The following LRRC37B variants were observed in gnomAD, a reference collection of about 807,000 sequenced individuals.
LRRC37B encodes the protein leucine-rich repeat-containing protein 37B.
In LRRC37B, 28 loss-of-function variants were observed where a neutral mutation model predicts 98.3. That is an observed-to-expected ratio of 0.28 (90% confidence interval 0.21 to 0.39). The LOEUF is 0.39. Ranked by LOEUF, LRRC37B falls within the 10% of genes least tolerant of loss-of-function variation. The pLI is 1.00. For synonymous variants in LRRC37B, 364 were observed against 442.7 expected, an observed-to-expected ratio of 0.82 and a Z score of 2.23; for missense variants, 938 against 1,182.7, an observed-to-expected ratio of 0.79 and a Z score of 3.03.
At chr17:32,030,517 G>T in intron 3 of LRRC37B, 139 bp from the exon 7 acceptor site, 1 of 613,772 alleles carries the variant, frequency 1.6e-6, no homozygotes. Context: ...AGGAGCTCTG[G>T]AAAGTTCAAA....
upstream of LRRC37B, chr17:32,017,105 G>T (rs1450588260): frequency 2.0e-5 from 3 of 152,206 alleles, no homozygotes; most frequent in Non-Finnish European, 4.4e-5. Flanking sequence ...GGTATCCCTT[G>T]CACACACTGA....
At chr17:32,014,441 C>A (rs545467273) in intron 1 of LRRC37B, among the ~76,000 whole-genome samples, 6 of 152,286 alleles carry the variant, frequency 3.9e-5, no homozygotes, top group African/African-American at 1.4e-4. Context: ...AAAAAAAAGA[C>A]ATTTCAGATG....
chr17:32,040,813 C>G (rs1470126622), intron 7 of LRRC37B: 1 of 826,792 alleles, frequency 1.2e-6, no homozygotes, highest in Admixed American at 1.8e-5. Context: ...GTGAAGGACT[C>G]CCTGGACATA....
chr17:32,022,194 G>A, exon 1 of LRRC37B: 2 of 1,613,856 alleles, frequency 1.2e-6, no homozygotes, highest in Non-Finnish European at 1.7e-6. Context: ...AGATGTGGAG[G>A]TTACCATGAC....
rs566639584 is a variant in LRRC37B at position 32,008,952 on chromosome 17, G to A, written c.-191+820G>A. 2.4e-4 allele frequency among the ~76,000 whole-genome samples: 37 copies of A among 152,314 alleles called. No homozygotes were observed. The South Asian group carries it at 6.0e-3, about 25-fold the overall frequency. On this transcript the variant is annotated intron_variant, in intron 1 of 14. Transcript: ENST00000543378. ...ATGAACGCAGACTTGTTTCTCTTGAGTAAATACCTAGGAGTATGATTTCCG... is the reference window on the plus strand; with the variant it reads ...ATGAACGCAGACTTGTTTCTCTTGAATAAATACCTAGGAGTATGATTTCCG...
chr17:32,045,553 T>C (rs983237573), intron 7 of LRRC37B, 147 bp from the exon 11 acceptor site: 130 of 811,212 alleles, frequency 1.6e-4, no homozygotes, highest in Non-Finnish European at 2.5e-4. Context: ...CTCCTTCCCA[T>C]TGGCCTTCTG....
intron 7 of LRRC37B, chr17:32,040,826 G>A: frequency 1.2e-6 from 1 of 818,594 alleles, no homozygotes; most frequent in South Asian, 1.4e-5. Flanking sequence ...TGGACATAGA[G>A]GTCAAGCAGA....
intron 11 of LRRC37B, 155 bp from the exon 15 acceptor site, chr17:32,053,111 G>T: frequency 1.5e-6 from 1 of 646,840 alleles, no homozygotes. Flanking sequence ...AACTGTGGAA[G>T]AATCAAAGCA....
intron 1 of LRRC37B, among the ~76,000 whole-genome samples, chr17:32,014,729 C>G (rs8068134): frequency 0.02 from 2,970 of 151,634 alleles, 93 homozygotes; most frequent in African/African-American, 0.067. Context: ...TAGATAGATA[C>G]ATATATCTAT....
chr17:32,018,989 C>T (rs7208265), upstream of LRRC37B, among the ~76,000 whole-genome samples: 870 of 152,190 alleles, frequency 5.7e-3, 8 homozygotes, highest in African/African-American at 0.02. Flanking sequence ...TGCGATGGCA[C>T]GATCTCAGCT....
chr17:32,010,999 CT>C (rs879813174), intron 1 of LRRC37B, among the ~76,000 whole-genome samples: 204 of 143,158 alleles, frequency 1.4e-3, no homozygotes, highest in Admixed American at 1.3e-3. Context: ...AAGGATTTCA[CT>C]TTTTTTTTTT....
At chr17:32,029,853 C>T (rs558862761) in intron 3 of LRRC37B, among the ~76,000 whole-genome samples, 1 of 152,234 alleles carries the variant, frequency 6.6e-6, no homozygotes, top group Non-Finnish European at 1.5e-5. Flanking sequence ...TTCTGGACTC[C>T]GCCCTCATAG....
At chr17:32,037,943 TAAATACACACACACACACAC>T (rs1374153952) in intron 7 of LRRC37B, among the ~76,000 whole-genome samples, 3 of 151,868 alleles carry the variant, frequency 2.0e-5, no homozygotes, top group Admixed American at 1.3e-4. Context: ...CAGTCTCTAC[TAAATACACACACACACACAC>T]AAACACACAC....
In LRRC37B at chr17:32,021,556, T is replaced by A. The variant is rs138697011; in HGVS notation, c.491T>A (p.Leu164His). ...GAAAGGCTCCCAGAGGTGGTTCCGC[T>A]TCTCAACCGGGATCAGAACCAGGCC... Residue 164 changes from leucine to histidine, a missense_variant, in exon 1 of 12, where the codon CTT becomes CAT. Physicochemically the swap from Leu to His is moderately conservative, Grantham distance 99. Around this residue, in one of 2 missense-constraint regions of LRRC37B, gnomAD observed 610 missense variants for 625.6 expected, o/e 0.98. Coordinates refer to ENST00000327564, the Ensembl canonical transcript of LRRC37B. 36 of 1,614,138 alleles carry A rather than the reference T, an allele frequency of 2.2e-5. No homozygotes were observed. In the East Asian group the frequency reaches 6.9e-4, roughly 31 times the overall value.
upstream of LRRC37B, among the ~76,000 whole-genome samples, chr17:32,019,716 A>C (rs527572725): frequency 1.7e-4 from 26 of 152,362 alleles, no homozygotes; most frequent in Admixed American, 9.8e-4. Flanking sequence ...ATTTAAATCA[A>C]ACCCACCAAG....
intron 11 of LRRC37B, chr17:32,050,326 C>T: frequency 4.7e-6 from 2 of 429,222 alleles, no homozygotes; most frequent in Admixed American, 7.7e-5. Flanking sequence ...CCAAGTTAAT[C>T]CCACTAGACT....
rs566955453 is a variant in LRRC37B at position 32,007,993 on chromosome 17, C to T, written c.-330C>T. ...AGTAAGAGGAGGGGGGCGGCGATGC[C>T]GAGGAGACCCAGGAGTCTGAGGACA... is the stretch of plus-strand genomic sequence containing the variant. On this transcript the variant is annotated 5_prime_UTR_variant, in exon 1 of 15. Coordinates refer to the LRRC37B transcript ENST00000543378. This position sits in a 1 kb window ranked among gnomAD's most constrained non-coding sequence, Gnocchi z 4.1. The T allele has an allele frequency of 7.0e-5, 34 of 488,812 alleles. No individual in the cohort carries two copies. The South Asian group carries it at 8.4e-4, about 12-fold the overall frequency. The allele number at this position is 488,812 out of a possible 1,614,324, so 30.3% of individuals were successfully genotyped here. A position where few individuals can be genotyped will look rare whatever the true frequency, so the allele number is the denominator to read the frequency against.
intron 6 of LRRC37B, among the ~76,000 whole-genome samples, 194 bp downstream of exon 9, chr17:32,035,175 A>G (rs1911213482): frequency 6.6e-6 from 1 of 152,234 alleles, no homozygotes; most frequent in South Asian, 2.1e-4. Context: ...GGGGGAAGAG[A>G]TTAGTGTTGA....
chr17:32,014,301 A>G, intron 1 of LRRC37B, among the ~76,000 whole-genome samples: 1 of 152,226 alleles, frequency 6.6e-6, no homozygotes, highest in East Asian at 1.9e-4. Flanking sequence ...TGTGTGTGAT[A>G]GAGCCGGTCC....
Sources: allele counts gnomAD v4.1 joint callset (sites outside exome capture counted in the v4.1 genomes callset), GRCh38; gene constraint gnomAD v4.1.1; regional missense constraint gnomAD v4.1.1; non-coding constraint Gnocchi (gnomAD v3.1); transcripts MANE v1.5; gene names NCBI Gene and HGNC (gene_info 2026-07-23, HGNC 2026-07-21).